Variants in STAG2 observed in about 807,000 individuals in gnomAD.
The protein encoded by STAG2 is STAG2 cohesin complex component.
In STAG2, 14 loss-of-function variants were observed where a neutral mutation model predicts 108.1. The observed-to-expected ratio is 0.13, with a 90% CI of 0.09 to 0.20. The LOEUF (loss-of-function observed/expected upper bound fraction) is 0.20. STAG2 is among the 10% of genes least tolerant of loss of function. The probability of loss-of-function intolerance (pLI) is 1.00; values close to 1 mark genes in which losing one functional copy is unlikely to be tolerated. For missense variants in STAG2, 440 were observed against 940.9 expected (o/e 0.47, Z 6.96); for synonymous variants, 307 against 302.7 (o/e 1.01, Z -0.15).
chrX:123,964,640 T>C (rs1349682497), intron 1 of STAG2, among the ~76,000 whole-genome samples: 1 of 110,577 alleles, frequency 9.0e-6, no homozygotes, highest in African/African-American at 3.3e-5. Context: ...GAAATGTACT[T>C]ATTAGCTATT....
intron 30 of STAG2, among the ~76,000 whole-genome samples, chrX:124,090,187 G>T (rs112470934): frequency 0.17 from 12,307 of 70,588 alleles, 1,431 homozygotes; most frequent in Non-Finnish European, 0.25. Flanking sequence ...AAAAAAAAAA[G>T]GTTTAGTCCT....
intron 30 of STAG2, among the ~76,000 whole-genome samples, chrX:124,088,965 G>T (rs1464364281): frequency 1.0e-5 from 1 of 96,823 alleles, no homozygotes; most frequent in African/African-American, 3.9e-5. Flanking sequence ...GCTGAGGCTG[G>T]AGTGCAGTGG....
At chrX:124,091,379 C>G (rs2059248444) in intron 32 of STAG2, among the ~76,000 whole-genome samples, 1 of 111,650 alleles carries the variant, frequency 9.0e-6, no homozygotes, top group Admixed American at 9.6e-5. Flanking sequence ...TCACCCCCCG[C>G]TCCATCATTC....
chrX:124,002,949 C>A (rs375895374), intron 1 of STAG2, among the ~76,000 whole-genome samples: 168 of 107,290 alleles, frequency 1.6e-3, no homozygotes, highest in African/African-American at 5.4e-3. Flanking sequence ...AGCCACTGCA[C>A]CCGGCCACAC....
chrX:124,027,505 C>T (rs1016497018), intron 4 of STAG2, among the ~76,000 whole-genome samples: 2 of 111,159 alleles, frequency 1.8e-5, no homozygotes, highest in African/African-American at 6.5e-5. Flanking sequence ...CAAGTTTGGA[C>T]AAGATTCTTG....
At chrX:123,975,797 A>G (rs2054591526) in intron 1 of STAG2, among the ~76,000 whole-genome samples, 1 of 112,434 alleles carries the variant, frequency 8.9e-6, no homozygotes, top group African/African-American at 3.2e-5. Context: ...ATTAAATATC[A>G]GTGCATAAAG....
chrX:123,982,752 CT>C (rs1229010286), intron 1 of STAG2, among the ~76,000 whole-genome samples: 19 of 74,303 alleles, frequency 2.6e-4, no homozygotes, highest in East Asian at 9.9e-4. Flanking sequence ...TTTTTTTTGC[CT>C]TTTTTTTTGC....
At chrX:124,002,903 G>A (rs780549200) in intron 1 of STAG2, among the ~76,000 whole-genome samples, 8 of 101,569 alleles carry the variant, frequency 7.9e-5, no homozygotes, top group South Asian at 4.8e-4. Flanking sequence ...TGATCCACCC[G>A]CCTAGGCCTC....
chrX:124,048,989 A>T lies in STAG2; in HGVS notation c.820-16A>T, dbSNP rs1373233288. The stretch of plus-strand genomic sequence containing the variant: ...CTTCCTTTACAATTGAAAAGAAATG[A>T]TGTGTTTTTTTACAGCTTCAGGAAA... On this transcript the variant is annotated splice_polypyrimidine_tract_variant and intron_variant, in intron 9 of 34. Transcript: ENST00000371145. 1.7e-6 allele frequency: 2 copies of T among 1,158,738 alleles called. No individual in the cohort carries two copies. Among genetic ancestry groups the T allele is most frequent in the African/African-American group, 3.5e-5 (2 of 56,657 alleles).
At chrX:124,014,979 CTTTTTTT>C (rs34997317) in intron 1 of STAG2, among the ~76,000 whole-genome samples, 7 of 44,517 alleles carry the variant, frequency 1.6e-4, no homozygotes, top group Non-Finnish European at 2.5e-4. Flanking sequence ...ACGTACTTTT[CTTTTTTT>C]TTTTTTTTTT....
intron 27 of STAG2, among the ~76,000 whole-genome samples, chrX:124,080,075 T>A (rs2058915573): frequency 9.0e-6 from 1 of 111,398 alleles, no homozygotes; most frequent in Non-Finnish European, 1.9e-5. Context: ...AATGATTAAA[T>A]TTAGCTAATT....
chrX:124,019,052 CTTTTTT>C (rs751161706), intron 1 of STAG2, among the ~76,000 whole-genome samples: 2 of 79,902 alleles, frequency 2.5e-5, no homozygotes, highest in African/African-American at 5.1e-5. Flanking sequence ...ATTTAGCACT[CTTTTTT>C]TTTTTTTTTT....
intron 1 of STAG2, among the ~76,000 whole-genome samples, chrX:124,013,818 G>A (rs775283959): frequency 8.1e-5 from 9 of 111,112 alleles, no homozygotes; most frequent in Non-Finnish European, 1.3e-4. Flanking sequence ...TGTCAGACGG[G>A]GTAGGATCTT....
intron 1 of STAG2, among the ~76,000 whole-genome samples, chrX:124,004,387 A>G (rs1259577667): frequency 9.0e-6 from 1 of 111,701 alleles, no homozygotes; most frequent in Non-Finnish European, 1.9e-5. Flanking sequence ...CCACCATTCT[A>G]CTTTCTCTTT....
intron 1 of STAG2, among the ~76,000 whole-genome samples, chrX:123,962,323 CG>C (rs1257977795): frequency 9.0e-6 from 1 of 111,158 alleles, no homozygotes; most frequent in Non-Finnish European, 1.9e-5. Context: ...GAATTGTGAA[CG>C]TATTGTTGAT....
chrX:124,077,907 T>A (rs765454507), intron 26 of STAG2, 50 bp from the exon 27 acceptor site: 1 of 873,118 alleles, frequency 1.1e-6, no homozygotes, highest in African/African-American at 2.1e-5. Context: ...TGTCTTATTG[T>A]CAAGTAGTTT....
intron 34 of STAG2, among the ~76,000 whole-genome samples, chrX:124,096,634 A>G (rs1479842519): frequency 9.0e-6 from 1 of 111,680 alleles, no homozygotes; most frequent in Non-Finnish European, 1.9e-5. Flanking sequence ...GCCCAGCACA[A>G]TAGATATTTA....
At chrX:124,066,143 ATTTTTTTT>A (rs748906058) in intron 21 of STAG2, 24 bp from the exon 22 acceptor site, 95 of 590,114 alleles carry the variant, frequency 1.6e-4, no homozygotes, top group South Asian at 6.9e-4. Flanking sequence ...ATAAAACTTA[ATTTTTTTT>A]TTTTTTTTTT....
Position 124,061,800 on chromosome X carries a change from A to T in STAG2, c.1564A>T (p.Ile522Phe), listed in dbSNP as rs2148311647. 9.6e-7 allele frequency: 1 copy of T among 1,037,181 alleles called. No individual in the cohort carries two copies. Among genetic ancestry groups the T allele is most frequent in the Non-Finnish European group, 1.3e-6 (1 of 773,261 alleles). 85.5% of individuals were successfully genotyped at this position (1,037,181 alleles called of 1,213,427 possible). A position where few individuals can be genotyped will look rare whatever the true frequency, so the allele number is the denominator to read the frequency against. ...ALTDRQESALIEIMLCTIRQA... is the reference protein window; with the variant it reads ...ALTDRQESALFEIMLCTIRQA... ...AACAGATAGGCAAGAGAGTGCTCTG[A>T]TTGAAATAATGCTTTGTACCATTAG... The change falls in exon 17 of 35, where the codon ATT becomes TTT. Residue 522 changes from isoleucine to phenylalanine, a missense_variant. Around this residue, in one of 3 missense-constraint regions of STAG2, gnomAD observed 337 missense variants for 649.3 expected, o/e 0.52. Transcript: ENST00000371145.
Sources: allele counts gnomAD v4.1 joint callset (sites outside exome capture counted in the v4.1 genomes callset), GRCh38; gene constraint gnomAD v4.1.1; regional missense constraint gnomAD v4.1.1; transcripts MANE v1.5; gene names NCBI Gene and HGNC (gene_info 2026-07-23, HGNC 2026-07-21).